CACNB2: variants seen among roughly 807,000 people sequenced by gnomAD.
CACNB2 encodes the protein voltage-dependent L-type calcium channel subunit beta-2.
A neutral mutation model predicts 73.3 loss-of-function variants in CACNB2; 42 were observed. That is an observed-to-expected ratio of 0.57 (90% CI 0.45 to 0.74). CACNB2 has a LOEUF of 0.74. Among genes scored for constraint, CACNB2 ranks in the 30% least tolerant of loss-of-function variants. The pLI is 0.00. For missense variants in CACNB2, 940 were observed against 853.0 expected, an observed-to-expected ratio of 1.10 and a Z score of -1.27; for synonymous variants, 348 against 310.3, an observed-to-expected ratio of 1.12 and a Z score of -1.28.
intron 2 of CACNB2, among the ~76,000 whole-genome samples, chr10:18,300,591 C>A (rs530905636): frequency 5.3e-5 from 8 of 152,278 alleles, no homozygotes; most frequent in South Asian, 2.1e-4. Context: ...TGCCTTTTGG[C>A]AATTAACACC....
chr10:18,493,557 C>T, intron 3 of CACNB2, among the ~76,000 whole-genome samples: 1 of 152,100 alleles, frequency 6.6e-6, no homozygotes, highest in East Asian at 1.9e-4. Context: ...GATGACTATA[C>T]ACCCAATACT....
At chr10:18,387,389 C>T (rs1373318232) in intron 2 of CACNB2, among the ~76,000 whole-genome samples, 2 of 152,138 alleles carry the variant, frequency 1.3e-5, no homozygotes, top group African/African-American at 2.4e-5. Flanking sequence ...CTCCCTCACT[C>T]GACTGGGAAC....
At chr10:18,337,600 T>C (rs576981769) in intron 2 of CACNB2, among the ~76,000 whole-genome samples, 8 of 152,302 alleles carry the variant, frequency 5.3e-5, no homozygotes, top group African/African-American at 1.9e-4. Context: ...TAATGACCAA[T>C]GATGTAGGTG....
chr10:18,266,708 G>A (rs1254968406), intron 2 of CACNB2, among the ~76,000 whole-genome samples: 3 of 152,096 alleles, frequency 2.0e-5, no homozygotes, highest in Non-Finnish European at 4.4e-5. Flanking sequence ...GGACAACAGG[G>A]TGAAACCTCG....
At chr10:18,379,989 C>A (rs1330551166) in intron 2 of CACNB2, among the ~76,000 whole-genome samples, 1 of 152,174 alleles carries the variant, frequency 6.6e-6, no homozygotes, top group Non-Finnish European at 1.5e-5. Flanking sequence ...ACCTGGCCCA[C>A]TATTCTACCT....
In CACNB2 at chr10:18,539,787, C is replaced by T. The variant is rs2053968315; in HGVS notation, c.*63C>T. 1 of 1,508,006 alleles carries T rather than the reference C, an allele frequency of 6.6e-7. No homozygotes were observed. The highest frequency in any genetic ancestry group is 8.9e-7 in the Non-Finnish European group (1 of 1,120,460). The allele number at this position is 1,508,006 out of a possible 1,614,324, so 93.4% of individuals were successfully genotyped here. A position where few individuals can be genotyped will look rare whatever the true frequency, so the allele number is the denominator to read the frequency against. ...AGTCTTGTATAACTAACAGCATCCC[C>T]AAAACAAAGTCTTTGGGGTCTACAC... On this transcript the variant is annotated 3_prime_UTR_variant, in exon 14 of 14. Transcript: ENST00000324631.
At chr10:18,432,995 A>G (rs543854298) in intron 3 of CACNB2, among the ~76,000 whole-genome samples, 28 of 152,330 alleles carry the variant, frequency 1.8e-4, no homozygotes, top group African/African-American at 6.5e-4. Context: ...ATCTTTTATG[A>G]CTGCCCAAAT....
rs535206664 is a variant in CACNB2 at position 18,326,487 on chromosome 10, A to T, written c.214-75437A>T. Among the ~76,000 whole-genome samples the T allele has an allele frequency of 2.0e-5, 3 of 152,336 alleles. No individual in the cohort carries two copies. The South Asian group carries it at 6.2e-4, about 32-fold the overall frequency. Reference sequence around the variant, plus strand: ...TAATCCAGGGAGAAGGAGCGGGTGGAAGTAAACAGAGTTCCTCCTTCATCA... The same window carrying T: ...TAATCCAGGGAGAAGGAGCGGGTGGTAGTAAACAGAGTTCCTCCTTCATCA... On this transcript the variant is annotated intron_variant, in intron 2 of 13. Transcript: ENST00000324631.
Position 18,475,684 on chromosome 10 carries a change from G to A in CACNB2, c.334-22671G>A, listed in dbSNP as rs1024343710. ...ACTAAACTGGCAGAACTCAAGATTG[G>A]TTAGGAAAGATCCTCTGAAACTTCG... On this transcript the variant is annotated intron_variant, in intron 3 of 13. Coordinates refer to ENST00000324631, the MANE Select transcript of CACNB2 (RefSeq NM_201596.3). Among the ~76,000 whole-genome samples, 3 of 152,168 alleles carry A rather than the reference G, an allele frequency of 2.0e-5. No homozygotes were observed. In the East Asian group the frequency reaches 5.8e-4, roughly 29 times the overall value.
In CACNB2 at chr10:18,143,506, A is replaced by T. The variant is rs1588531612; in HGVS notation, c.120+2650A>T. ...TTAAGAGATATAAATATTCAACTGC[A>T]TCAACATTCATCTCCTTGCTTTCTC... is the stretch of plus-strand genomic sequence containing the variant. On this transcript the variant is annotated intron_variant, in intron 1 of 13. Transcript: ENST00000324631. 2.0e-5 allele frequency among the ~76,000 whole-genome samples: 3 copies of T among 152,262 alleles called. No individual in the cohort carries two copies. In the South Asian group the frequency reaches 6.2e-4, roughly 31 times the overall value.
intron 3 of CACNB2, among the ~76,000 whole-genome samples, chr10:18,471,553 C>G (rs1564587469): frequency 1.3e-5 from 2 of 152,118 alleles, no homozygotes; most frequent in Admixed American, 1.3e-4. Flanking sequence ...ATGGTTTACG[C>G]CTTTGTATTT....
chr10:18,514,445 C>T (rs1308335678), intron 7 of CACNB2, 76 bp downstream of exon 7: 6 of 1,613,486 alleles, frequency 3.7e-6, no homozygotes, highest in Non-Finnish European at 5.1e-6. Flanking sequence ...TGTTGACTGT[C>T]TGCGTCCTTT....
chr10:18,227,327 G>T (rs1564359969), intron 2 of CACNB2, among the ~76,000 whole-genome samples: 2 of 152,044 alleles, frequency 1.3e-5, no homozygotes. Flanking sequence ...TGGCCAGGGG[G>T]AGGATTTGGT....
At chr10:18,153,477 G>A (rs1361735933) in intron 2 of CACNB2, among the ~76,000 whole-genome samples, 1 of 152,018 alleles carries the variant, frequency 6.6e-6, no homozygotes, top group Non-Finnish European at 1.5e-5. Flanking sequence ...GCTGCCATAA[G>A]ATAGCCAGAT....
chr10:18,281,193 G>C (rs918965647), intron 2 of CACNB2, among the ~76,000 whole-genome samples: 4 of 152,134 alleles, frequency 2.6e-5, no homozygotes, highest in African/African-American at 9.7e-5. Flanking sequence ...TTGGAGATTA[G>C]GATAAAGCGT....
intron 2 of CACNB2, among the ~76,000 whole-genome samples, chr10:18,370,760 T>C (rs768678011): frequency 6.6e-6 from 1 of 152,238 alleles, no homozygotes; most frequent in Non-Finnish European, 1.5e-5. Flanking sequence ...CATATCATAA[T>C]TTTTAAAGTA....
chr10:18,389,479 G>T (rs2043372242), intron 2 of CACNB2, among the ~76,000 whole-genome samples: 1 of 152,138 alleles, frequency 6.6e-6, no homozygotes, highest in Admixed American at 6.6e-5. Flanking sequence ...TGTATATATA[G>T]AAATGATTCA....
chr10:18,149,538 C>G (rs139880465), intron 1 of CACNB2, among the ~76,000 whole-genome samples: 10 of 152,296 alleles, frequency 6.6e-5, no homozygotes, highest in African/African-American at 2.4e-4. Flanking sequence ...ATACCACCCT[C>G]TCACTGATAG....
At chr10:18,491,330 T>C (rs1185666392) in intron 3 of CACNB2, among the ~76,000 whole-genome samples, 1 of 152,162 alleles carries the variant, frequency 6.6e-6, no homozygotes, top group African/African-American at 2.4e-5. Flanking sequence ...ACACCTATAA[T>C]CTCAGCCCTT....
Sources: gnomAD v4.1 joint callset for allele counts (sites outside exome capture counted in the v4.1 genomes callset) on GRCh38, gnomAD v4.1.1 for gene constraint, MANE v1.5 for transcripts, NCBI Gene and HGNC (gene_info 2026-07-23, HGNC 2026-07-21) for gene names.